TUT4: variants seen among roughly 807,000 people sequenced by gnomAD.
TUT4 encodes the protein terminal uridylyltransferase 4.
In TUT4, 36 loss-of-function variants were observed where a neutral mutation model predicts 192.2. The observed-to-expected ratio is 0.19, with a 90% CI of 0.14 to 0.25. The LOEUF is 0.25. Among genes scored for constraint, TUT4 ranks in the 10% least tolerant of loss-of-function variants. TUT4 has a pLI of 1.00. For synonymous variants in TUT4, 618 were observed against 666.0 expected (o/e 0.93, Z 1.11); for missense variants, 1,493 against 1,957.2 (o/e 0.76, Z 4.47).
chr1:52,424,383 G>GTATA (rs1291186653), intron 29 of TUT4: 38 of 188,858 alleles, frequency 2.0e-4, no homozygotes, highest in Non-Finnish European at 5.6e-5. Flanking sequence ...TGCCCCAGTA[G>GTATA]TATATGGGTG....
At chr1:52,433,076 C>CT (rs1054255386) in intron 27 of TUT4, 138 of 147,084 alleles carry the variant, frequency 9.4e-4, no homozygotes, top group South Asian at 2.2e-3. Context: ...CTGTGAGATA[C>CT]TTTTTTTTTT....
At chr1:52,439,737 A>T (rs1342813934) in intron 24 of TUT4, among the ~76,000 whole-genome samples, 1 of 152,206 alleles carries the variant, frequency 6.6e-6, no homozygotes, top group Non-Finnish European at 1.5e-5. Context: ...TTAAACATAA[A>T]TTTATCAAAA....
chr1:52,471,049 C>T (rs964550407), intron 14 of TUT4, among the ~76,000 whole-genome samples: 10 of 130,310 alleles, frequency 7.7e-5, no homozygotes, highest in Non-Finnish European at 1.4e-4. Context: ...CGGAGTCTCA[C>T]TCTGTTGCCC....
chr1:52,476,270 G>A (rs1434857183), intron 12 of TUT4, among the ~76,000 whole-genome samples: 4 of 151,884 alleles, frequency 2.6e-5, no homozygotes, highest in Non-Finnish European at 5.9e-5. Context: ...AGATTAAAAA[G>A]TAAAAGACAG....
Position 52,498,813 on chromosome 1 carries a change from G to A in TUT4, c.1000-1630C>T, listed in dbSNP as rs531521502. Among the ~76,000 whole-genome samples, 8 of 148,034 alleles carry A rather than the reference G, an allele frequency of 5.4e-5. No individual in the cohort carries two copies. The South Asian group carries it at 1.1e-3, about 20-fold the overall frequency. On this transcript the variant is annotated intron_variant, in intron 4 of 29. Coordinates refer to ENST00000257177, the MANE Select transcript of TUT4 (RefSeq NM_001009881.3). ...GAGACAGGAGAATCGTTTCAACCTCGGAGGTGGAGCTTGCAGTGAGTCAAG... is the reference window on the plus strand; with the variant it reads ...GAGACAGGAGAATCGTTTCAACCTCAGAGGTGGAGCTTGCAGTGAGTCAAG...
At chr1:52,524,770 T>TC (rs1183029145) in intron 2 of TUT4, among the ~76,000 whole-genome samples, 1 of 152,094 alleles carries the variant, frequency 6.6e-6, no homozygotes, top group Non-Finnish European at 1.5e-5. Context: ...ACCACTGCAC[T>TC]CCAGCCTGGG....
rs185168599 is a variant in TUT4 at position 52,453,234 on chromosome 1, T to C, written c.3435+5102A>G. ...GTCTCTACTAAAAATACAAAAAAAT[T>C]AGCCGGGCATGGTGGTGGGCACTTG... On this transcript the variant is annotated intron_variant, in intron 20 of 29. Coordinates refer to ENST00000257177, the MANE Select transcript of TUT4 (RefSeq NM_001009881.3). Among the ~76,000 whole-genome samples, 345 of 151,834 alleles carry C rather than the reference T, an allele frequency of 2.3e-3. 2 individuals carry two copies. Among genetic ancestry groups the C allele is most frequent in the African/African-American group, 8.1e-3 (337 of 41,416 alleles).
At chr1:52,534,977 T>C (rs994647358) in intron 1 of TUT4, 12 of 152,254 alleles carry the variant, frequency 7.9e-5, no homozygotes, top group African/African-American at 2.9e-4. Flanking sequence ...TCTTTACCTT[T>C]TTTACTGACC....
intron 29 of TUT4, 147 bp downstream of exon 29, chr1:52,425,202 T>C: frequency 1.0e-6 from 1 of 1,004,612 alleles, no homozygotes; most frequent in Non-Finnish European, 1.5e-6. Flanking sequence ...TACAAGCACC[T>C]AGCACCATCT....
At chr1:52,542,730 G>A (rs1001929946) in intron 1 of TUT4, among the ~76,000 whole-genome samples, 13 of 151,680 alleles carry the variant, frequency 8.6e-5, no homozygotes, top group African/African-American at 3.2e-4. Context: ...AGGGAAAGAT[G>A]TCTGTTTTCA....
chr1:52,426,761 A>T (rs749916592), intron 28 of TUT4, among the ~76,000 whole-genome samples: 2 of 152,230 alleles, frequency 1.3e-5, no homozygotes, highest in Non-Finnish European at 2.9e-5. Context: ...TGATGTTTTA[A>T]CATAAAAGGG....
intron 1 of TUT4, among the ~76,000 whole-genome samples, chr1:52,549,229 TTGG>T (rs1457470482): frequency 3.3e-5 from 5 of 152,172 alleles, no homozygotes; most frequent in African/African-American, 1.2e-4. Flanking sequence ...ACTATCTCAC[TTGG>T]TGATCTCACA....
intron 14 of TUT4, 83 bp downstream of exon 14, chr1:52,471,865 TAAAC>T: frequency 2.8e-6 from 4 of 1,413,370 alleles, no homozygotes; most frequent in Non-Finnish European, 3.8e-6. Flanking sequence ...AAACAAAACG[TAAAC>T]AAACTGTTTT....
At chr1:52,490,949 C>T (rs941819622) in intron 7 of TUT4, 148 bp from the exon 8 acceptor site, 12 of 663,744 alleles carry the variant, frequency 1.8e-5, no homozygotes, top group African/African-American at 7.4e-5. Flanking sequence ...ACCAACCCAG[C>T]GAAATCTCTT....
chr1:52,548,748 AC>A (rs1268684873), intron 1 of TUT4, among the ~76,000 whole-genome samples: 3 of 152,260 alleles, frequency 2.0e-5, no homozygotes, highest in Non-Finnish European at 2.9e-5. Flanking sequence ...TGTGTGGTTA[AC>A]AAACATACCT....
intron 1 of TUT4, among the ~76,000 whole-genome samples, chr1:52,538,292 T>G (rs892910837): frequency 6.6e-6 from 1 of 151,788 alleles, no homozygotes; most frequent in African/African-American, 2.4e-5. Flanking sequence ...CTATCCAACA[T>G]CAGCAGAATA....
intron 1 of TUT4, among the ~76,000 whole-genome samples, chr1:52,541,202 C>CT (rs2149666409): frequency 7.1e-6 from 1 of 139,980 alleles, no homozygotes; most frequent in African/African-American, 2.7e-5. Flanking sequence ...GAGCGAGACT[C>CT]TGTCTTAAAA....
intron 3 of TUT4, among the ~76,000 whole-genome samples, chr1:52,513,209 C>A (rs1677729073): frequency 6.7e-6 from 1 of 150,250 alleles, no homozygotes; most frequent in Non-Finnish European, 1.5e-5. Context: ...CGAGACCAGT[C>A]CGGGCAACCT....
intron 16 of TUT4, among the ~76,000 whole-genome samples, chr1:52,464,021 C>T (rs139526465): frequency 7.7e-4 from 117 of 152,216 alleles, no homozygotes; most frequent in African/African-American, 2.6e-3. Context: ...ACCTGGGTTA[C>T]GAATCCCGGC....
Sources: allele counts gnomAD v4.1 joint callset (sites outside exome capture counted in the v4.1 genomes callset), GRCh38; gene constraint gnomAD v4.1.1; transcripts MANE v1.5; gene names NCBI Gene and HGNC (gene_info 2026-07-23, HGNC 2026-07-21).